Variants in PLCB1 observed in about 807,000 individuals in gnomAD.
PLCB1 encodes phospholipase C beta 1.
A neutral mutation model predicts 161.8 loss-of-function variants in PLCB1; 46 were observed. The observed-to-expected ratio is 0.28, with a 90% CI of 0.22 to 0.36. PLCB1 has a LOEUF of 0.36. Among genes scored for constraint, PLCB1 ranks in the 10% least tolerant of loss-of-function variants. The probability of loss-of-function intolerance (pLI) is 1.00; values close to 1 mark genes in which losing one functional copy is unlikely to be tolerated. For synonymous variants in PLCB1, 517 were observed against 503.7 expected (o/e 1.03, Z -0.35); for missense variants, 1,016 against 1,472.5 (o/e 0.69, Z 5.07).
intron 2 of PLCB1, among the ~76,000 whole-genome samples, chr20:8,235,447 T>A (rs1980268038): frequency 6.6e-6 from 1 of 152,072 alleles, no homozygotes; most frequent in Admixed American, 6.6e-5. Context: ...GAAAGCCACA[T>A]GATCATACTG....
At chr20:8,290,383 A>T (rs1301491159) in intron 2 of PLCB1, among the ~76,000 whole-genome samples, 2 of 152,188 alleles carry the variant, frequency 1.3e-5, no homozygotes, top group African/African-American at 4.8e-5. Flanking sequence ...TAGGGGATGC[A>T]TTGTCAAATA....
intron 31 of PLCB1, among the ~76,000 whole-genome samples, chr20:8,868,371 C>T (rs1376777222): frequency 7.3e-6 from 1 of 136,256 alleles, no homozygotes; most frequent in East Asian, 3.3e-4. Context: ...AAGAGGACAG[C>T]AGGTCAATAA....
chr20:8,157,624 A>G (rs1461102474), intron 2 of PLCB1, among the ~76,000 whole-genome samples: 4 of 152,240 alleles, frequency 2.6e-5, no homozygotes, highest in Non-Finnish European at 5.9e-5. Flanking sequence ...TAGACATGTC[A>G]TGATGCCTTA....
intron 3 of PLCB1, among the ~76,000 whole-genome samples, chr20:8,472,093 G>A (rs187637093): frequency 1.3e-5 from 2 of 152,148 alleles, no homozygotes; most frequent in African/African-American, 2.4e-5. Context: ...AATTATTTTT[G>A]ATTTCTCCCC....
intron 3 of PLCB1, among the ~76,000 whole-genome samples, chr20:8,439,479 C>G (rs1980456132): frequency 6.6e-6 from 1 of 152,106 alleles, no homozygotes; most frequent in South Asian, 2.1e-4. Flanking sequence ...AATACTCAAA[C>G]ACTTATCCAA....
At chr20:8,720,964 T>C (rs563828279) in intron 14 of PLCB1, among the ~76,000 whole-genome samples, 4 of 152,270 alleles carry the variant, frequency 2.6e-5, no homozygotes, top group Non-Finnish European at 5.9e-5. Context: ...AAGATACGTT[T>C]TCTATCCAAA....
intron 3 of PLCB1, among the ~76,000 whole-genome samples, chr20:8,460,392 C>G (rs1449235375): frequency 6.6e-6 from 1 of 152,204 alleles, no homozygotes; most frequent in African/African-American, 2.4e-5. Context: ...GCATCCCACT[C>G]AGAGCTTTGT....
Position 8,637,031 on chromosome 20 carries a change from C to CAA in PLCB1, c.384+8615_384+8616dup, listed in dbSNP as rs5840275. Among the ~76,000 whole-genome samples, 69 of 122,160 alleles carry CAA rather than the reference C, an allele frequency of 5.6e-4. 1 individual carries two copies. The highest frequency in any genetic ancestry group is 1.0e-3 in the Admixed American group (13 of 12,644). The allele number at this position is 122,160 out of a possible 152,430, so 80.1% of individuals were successfully genotyped here. A position where few individuals can be genotyped will look rare whatever the true frequency, so the allele number is the denominator to read the frequency against. The stretch of plus-strand genomic sequence containing the variant: ...CCTGGAAGCAAGAACATGAGCACCA[C>CAA]AAAAAAAAAAAAAAAATCACCGTGA... On this transcript the variant is annotated intron_variant, in intron 4 of 31. Transcript: ENST00000338037.
rs1874499941 is a variant in PLCB1 at position 8,821,548 on chromosome 20, TA to T, written c.3423+31288del. ...ATATATATATATATATATATATATA[TA>T]TATATATATTTAAATGACACTTTTA... On this transcript the variant is annotated intron_variant, in intron 31 of 31. Transcript: ENST00000338037. Among the ~76,000 whole-genome samples the T allele has an allele frequency of 1.8e-4, 19 of 107,654 alleles. 1 individual carries two copies. The highest frequency in any genetic ancestry group is 2.9e-4 in the Non-Finnish European group (16 of 55,404). 70.6% of individuals were successfully genotyped at this position (107,654 alleles called of 152,430 possible).
chr20:8,759,128 C>T (rs1981885777), intron 24 of PLCB1, among the ~76,000 whole-genome samples: 1 of 152,182 alleles, frequency 6.6e-6, no homozygotes, highest in Admixed American at 6.5e-5. Context: ...TTTGGAAGAA[C>T]TCTGGTCAGT....
chr20:8,578,048 C>A (rs1351432119), intron 3 of PLCB1, among the ~76,000 whole-genome samples: 1 of 152,174 alleles, frequency 6.6e-6, no homozygotes, highest in African/African-American at 2.4e-5. Flanking sequence ...AACTTACTAG[C>A]AATTAACTCA....
At chr20:8,159,553 TCTC>T (rs2051599373) in intron 2 of PLCB1, among the ~76,000 whole-genome samples, 1 of 152,136 alleles carries the variant, frequency 6.6e-6, no homozygotes, top group African/African-American at 2.4e-5. Flanking sequence ...GGCTTGAACT[TCTC>T]CTCAGAAAAT....
chr20:8,427,529 C>T (rs548411712), intron 3 of PLCB1, among the ~76,000 whole-genome samples: 8 of 152,266 alleles, frequency 5.3e-5, no homozygotes, highest in African/African-American at 1.4e-4. Context: ...CCAACAGGTT[C>T]GTATGCCCAT....
At chr20:8,741,261 A>T (rs757992893) in intron 22 of PLCB1, among the ~76,000 whole-genome samples, 1 of 152,174 alleles carries the variant, frequency 6.6e-6, no homozygotes, top group Non-Finnish European at 1.5e-5. Flanking sequence ...AAAGTGTTGG[A>T]TAGAGGAGTA....
intron 3 of PLCB1, among the ~76,000 whole-genome samples, chr20:8,533,006 C>A: frequency 7.2e-6 from 1 of 138,496 alleles, no homozygotes; most frequent in African/African-American, 2.6e-5. Flanking sequence ...AATGCTATCC[C>A]TCCCCCCTCC....
chr20:8,644,365 G>A (rs1323770431), intron 4 of PLCB1, among the ~76,000 whole-genome samples: 1 of 149,490 alleles, frequency 6.7e-6, no homozygotes, highest in Non-Finnish European at 1.5e-5. Context: ...CCTCTTCCCG[G>A]CCGCCATCCC....
chr20:8,278,270 A>G lies in PLCB1; in HGVS notation c.178-93112A>G, dbSNP rs528134139. 1.0e-4 allele frequency among the ~76,000 whole-genome samples: 15 copies of G among 146,678 alleles called. No homozygotes were observed. In the South Asian group the frequency reaches 3.1e-3, roughly 31 times the overall value. On this transcript the variant is annotated intron_variant, in intron 2 of 31. Coordinates refer to ENST00000338037, the MANE Select transcript of PLCB1 (RefSeq NM_015192.4). ...AAGAAACAATCATATATATAAATAT[A>G]TTATATAAATATATATTTATATAAT...
chr20:8,334,451 C>T (rs1351884001), intron 2 of PLCB1, among the ~76,000 whole-genome samples: 3 of 152,126 alleles, frequency 2.0e-5, no homozygotes, highest in Non-Finnish European at 4.4e-5. Context: ...TTTCCTTCCC[C>T]GGACTTCATA....
At chr20:8,492,076 A>G (rs1982968777) in intron 3 of PLCB1, among the ~76,000 whole-genome samples, 1 of 152,132 alleles carries the variant, frequency 6.6e-6, no homozygotes, top group East Asian at 1.9e-4. Flanking sequence ...TTCAAGGAGT[A>G]ATGGGCTAAA....
Sources: gnomAD v4.1 joint callset for allele counts (sites outside exome capture counted in the v4.1 genomes callset) on GRCh38, gnomAD v4.1.1 for gene constraint, MANE v1.5 for transcripts, NCBI Gene and HGNC (gene_info 2026-07-23, HGNC 2026-07-21) for gene names.